TAOK3: variants seen among roughly 807,000 people sequenced by gnomAD.
The protein encoded by TAOK3 is TAO kinase 3.
In TAOK3, 40 loss-of-function variants were observed where a neutral mutation model predicts 120.4. The ratio of observed to expected loss-of-function variants is 0.33; its 90% CI spans 0.26 to 0.43. The LOEUF is 0.43. TAOK3 is among the 20% of genes least tolerant of loss of function. TAOK3 has a pLI of 1.00. For synonymous variants in TAOK3, 355 were observed against 387.5 expected (o/e 0.92, Z 0.99); for missense variants, 821 against 1,112.1 (o/e 0.74, Z 3.72).
intron 1 of TAOK3, among the ~76,000 whole-genome samples, chr12:118,281,755 A>G (rs1191691656): frequency 1.2e-4 from 17 of 146,770 alleles, no homozygotes. Context: ...TCTGCCTCAG[A>G]AAAAAAAAAA....
chr12:118,357,017 G>T (rs1257651972), intron 1 of TAOK3, among the ~76,000 whole-genome samples: 3 of 152,194 alleles, frequency 2.0e-5, no homozygotes, highest in Non-Finnish European at 4.4e-5. Flanking sequence ...AATATCCAGT[G>T]ACCCGAGCAA....
At chr12:118,216,963 GAGAAGA>G (rs1236462583) in intron 9 of TAOK3, among the ~76,000 whole-genome samples, 1 of 150,384 alleles carries the variant, frequency 6.6e-6, no homozygotes, top group African/African-American at 2.4e-5. Flanking sequence ...AGAAAAGGAA[GAGAAGA>G]AGAAGATAAA....
In TAOK3 at chr12:118,239,273, C is replaced by T; in HGVS notation, c.295-1G>A. ...AGCCTAAGCAATATTCCATCACCAA[C>T]TATAAGAGATTAAAATAATATTCAG... is the stretch of plus-strand genomic sequence containing the variant. On this transcript the variant is annotated splice_acceptor_variant, in intron 5 of 20. Transcript: ENST00000392533. LOFTEE classifies it high-confidence loss of function. 1 of 1,506,352 alleles carries T rather than the reference C, an allele frequency of 6.6e-7. No homozygotes were observed. Among genetic ancestry groups the T allele is most frequent in the Non-Finnish European group, 9.2e-7 (1 of 1,085,600 alleles). The allele number at this position is 1,506,352 out of a possible 1,614,324, so 93.3% of individuals were successfully genotyped here.
intron 1 of TAOK3, among the ~76,000 whole-genome samples, chr12:118,318,159 T>C (rs1003508304): frequency 4.0e-5 from 5 of 124,850 alleles, no homozygotes; most frequent in Non-Finnish European, 8.2e-5. Flanking sequence ...GCTATAAAAC[T>C]TTTTTTTTTT....
intron 19 of TAOK3, among the ~76,000 whole-genome samples, chr12:118,157,678 T>C (rs975097372): frequency 6.6e-6 from 1 of 152,240 alleles, no homozygotes; most frequent in African/African-American, 2.4e-5. Flanking sequence ...CCAATGTCTG[T>C]TTCCTCCATG....
intron 2 of TAOK3, 100 bp from the exon 3 acceptor site, chr12:118,255,755 C>G: frequency 1.8e-6 from 1 of 562,712 alleles, no homozygotes. Context: ...GGTCTCACAA[C>G]TCAATAACAA....
intron 1 of TAOK3, among the ~76,000 whole-genome samples, chr12:118,322,386 A>G (rs905874087): frequency 5.3e-5 from 8 of 151,886 alleles, no homozygotes; most frequent in African/African-American, 1.9e-4. Context: ...ATATTGAATA[A>G]TTATTTCTCC....
chr12:118,194,836 C>G (rs1391040040), intron 13 of TAOK3, among the ~76,000 whole-genome samples: 1 of 152,026 alleles, frequency 6.6e-6, no homozygotes, highest in Non-Finnish European at 1.5e-5. Context: ...AACCTCTGTC[C>G]TCCCCAGGTT....
chr12:118,239,340 C>A, intron 5 of TAOK3, 68 bp from the exon 6 acceptor site: 1 of 880,206 alleles, frequency 1.1e-6, no homozygotes, highest in Non-Finnish European at 1.8e-6. Context: ...ACCAACTAAA[C>A]AACCAATCAA....
chr12:118,364,254 A>G (rs1273469954), intron 1 of TAOK3, among the ~76,000 whole-genome samples: 1 of 152,208 alleles, frequency 6.6e-6, no homozygotes, highest in Non-Finnish European at 1.5e-5. Flanking sequence ...GCCGTACTTT[A>G]GGGAGAATAA....
intron 16 of TAOK3, among the ~76,000 whole-genome samples, chr12:118,173,913 C>A (rs1336080845): frequency 6.6e-6 from 1 of 152,210 alleles, no homozygotes; most frequent in Admixed American, 6.5e-5. Flanking sequence ...GCCAAGAAGT[C>A]TCTGTAAATC....
intron 1 of TAOK3, among the ~76,000 whole-genome samples, chr12:118,308,188 A>T (rs1291300953): frequency 1.3e-5 from 2 of 151,940 alleles, no homozygotes; most frequent in Non-Finnish European, 2.9e-5. Flanking sequence ...TCACTGCTAT[A>T]CTCCCACCAA....
chr12:118,210,011 A>AGAAGCCCCAGC (rs1394918675), intron 11 of TAOK3, among the ~76,000 whole-genome samples: 1 of 152,070 alleles, frequency 6.6e-6, no homozygotes, highest in Non-Finnish European at 1.5e-5. Flanking sequence ...CCCAGGTTGT[A>AGAAGCCCCAGC]CCTTCTACTG....
At chr12:118,166,538 CAAAA>C (rs1276962566) in intron 17 of TAOK3, among the ~76,000 whole-genome samples, 2 of 66,352 alleles carry the variant, frequency 3.0e-5, no homozygotes, top group Non-Finnish European at 3.2e-5. Context: ...AACTCCGTCT[CAAAA>C]AAAAAAAAAA....
At chr12:118,267,884 C>CAAAAA (rs60331520) in intron 1 of TAOK3, among the ~76,000 whole-genome samples, 1 of 78,860 alleles carries the variant, frequency 1.3e-5, no homozygotes, top group African/African-American at 5.3e-5. Flanking sequence ...GACTCCATCT[C>CAAAAA]AAAAAAAAAA....
chr12:118,178,058 T>C (rs1435300794), intron 15 of TAOK3, among the ~76,000 whole-genome samples: 1 of 152,078 alleles, frequency 6.6e-6, no homozygotes, highest in Non-Finnish European at 1.5e-5. Context: ...GCGATCCTCC[T>C]GCCTCAGCCT....
chr12:118,293,067 G>C (rs2042542866), intron 1 of TAOK3, among the ~76,000 whole-genome samples: 1 of 152,170 alleles, frequency 6.6e-6, no homozygotes, highest in Non-Finnish European at 1.5e-5. Context: ...ATGCATGTTA[G>C]AGCAGTTTAC....
At chr12:118,173,180 T>G (rs774677293) in intron 16 of TAOK3, among the ~76,000 whole-genome samples, 5 of 152,136 alleles carry the variant, frequency 3.3e-5, no homozygotes, top group Non-Finnish European at 5.9e-5. Flanking sequence ...AAGGGAAGAA[T>G]ACTCTCAGTA....
intron 1 of TAOK3, among the ~76,000 whole-genome samples, chr12:118,275,236 T>C (rs2041864567): frequency 6.6e-6 from 1 of 152,112 alleles, no homozygotes; most frequent in African/African-American, 2.4e-5. Flanking sequence ...CCTCTGGGGT[T>C]CAAGCAGCCC....
Sources: gnomAD v4.1 joint callset for allele counts (sites outside exome capture counted in the v4.1 genomes callset) on GRCh38, gnomAD v4.1.1 for gene constraint, MANE v1.5 for transcripts, NCBI Gene and HGNC (gene_info 2026-07-23, HGNC 2026-07-21) for gene names.